Variants in VAV3 observed in about 807,000 individuals in gnomAD.
VAV3 encodes the protein guanine nucleotide exchange factor VAV3.
In VAV3, 94 loss-of-function variants were observed where a neutral mutation model predicts 131.2. That is an observed-to-expected ratio of 0.72 (90% CI 0.61 to 0.85). The LOEUF (loss-of-function observed/expected upper bound fraction) is 0.85, where lower values mean the gene tolerates loss of function less well. Among genes scored for constraint, VAV3 ranks in the 40% least tolerant of loss-of-function variants. The pLI is 0.00. For missense variants in VAV3, 939 were observed against 1,002.7 expected (o/e 0.94, Z 0.86); for synonymous variants, 349 against 342.0 (o/e 1.02, Z -0.22).
At chr1:107,596,143 G>A in intron 25 of VAV3, 69 bp downstream of exon 25, 2 of 1,555,270 alleles carry the variant, frequency 1.3e-6, no homozygotes, top group Admixed American at 3.9e-5. Flanking sequence ...TTGGAAGGAA[G>A]ATGTTTAATG....
At chr1:107,621,640 T>C (rs116563542) in intron 20 of VAV3, among the ~76,000 whole-genome samples, 1 of 152,144 alleles carries the variant, frequency 6.6e-6, no homozygotes, top group Admixed American at 6.6e-5. Context: ...ATTTCCTTCT[T>C]CTTTACATTA....
At chr1:107,639,711 A>T (rs1040003397) in intron 20 of VAV3, among the ~76,000 whole-genome samples, 17 of 152,258 alleles carry the variant, frequency 1.1e-4, no homozygotes, top group Admixed American at 1.0e-3. Context: ...TGGCAGGCTG[A>T]AGTGGGAGGG....
At chr1:107,637,618 C>T (rs1057034284) in intron 20 of VAV3, among the ~76,000 whole-genome samples, 2 of 152,254 alleles carry the variant, frequency 1.3e-5, no homozygotes, top group Admixed American at 6.5e-5. Context: ...GGCAACAGAG[C>T]GAGACTCCGT....
chr1:107,786,709 C>G (rs1470987830), intron 2 of VAV3, among the ~76,000 whole-genome samples: 3 of 152,114 alleles, frequency 2.0e-5, no homozygotes, highest in Non-Finnish European at 4.4e-5. Context: ...TGAAAGAGTT[C>G]TAAGAAAGGA....
At chr1:107,816,045 G>A (rs983382561) in intron 2 of VAV3, among the ~76,000 whole-genome samples, 2 of 152,152 alleles carry the variant, frequency 1.3e-5, no homozygotes, top group African/African-American at 2.4e-5. Context: ...TGATCTGAGA[G>A]GGGGCAGAGC....
intron 21 of VAV3, among the ~76,000 whole-genome samples, chr1:107,614,097 T>A (rs1652956695): frequency 6.6e-6 from 1 of 152,096 alleles, no homozygotes. Context: ...CATATCATCA[T>A]CAGTGGGATG....
At chr1:107,845,774 A>G (rs1440122912) in intron 2 of VAV3, among the ~76,000 whole-genome samples, 3 of 152,160 alleles carry the variant, frequency 2.0e-5, no homozygotes, top group Admixed American at 6.5e-5. Context: ...GGAACAAACA[A>G]AGACTCCAAC....
chr1:107,962,075 A>G (rs1675113545), intron 1 of VAV3, among the ~76,000 whole-genome samples: 1 of 152,240 alleles, frequency 6.6e-6, no homozygotes, highest in Non-Finnish European at 1.5e-5. Context: ...CACAAAAGTC[A>G]GAAGTGACAG....
chr1:107,720,682 A>G (rs1279165318), intron 15 of VAV3, among the ~76,000 whole-genome samples: 2 of 152,188 alleles, frequency 1.3e-5, no homozygotes, highest in Non-Finnish European at 2.9e-5. Context: ...CCATCTCAAG[A>G]GAAAAAGTGT....
rs74673465 is a variant in VAV3, at chr1:107,669,369, T to C, written c.1777+14119A>G. 1.2e-3 allele frequency: 1,550 copies of C among 1,289,778 alleles called. 18 individuals carry two copies. In the African/African-American group the frequency reaches 0.017, roughly 14 times the overall value. 79.9% of individuals were successfully genotyped at this position (1,289,778 alleles called of 1,614,324 possible). On this transcript the variant is annotated intron_variant, in intron 19 of 26. Transcript: ENST00000370056. ...TATTTTCAGAAACCTCAAGGCTGCA[T>C]TTTCACCCATGTCCTCAGAATTTCT... is the stretch of plus-strand genomic sequence containing the variant.
intron 21 of VAV3, among the ~76,000 whole-genome samples, chr1:107,613,601 G>C (rs1652917762): frequency 6.6e-6 from 1 of 151,920 alleles, no homozygotes; most frequent in African/African-American, 2.4e-5. Context: ...ACCATGTTAA[G>C]TATAAAATTT....
intron 6 of VAV3, among the ~76,000 whole-genome samples, chr1:107,770,281 C>T (rs1427412798): frequency 6.6e-6 from 1 of 151,948 alleles, no homozygotes; most frequent in Non-Finnish European, 1.5e-5. Flanking sequence ...GCCACCAGCC[C>T]TCCCCCCCCA....
At chr1:107,912,132 A>G (rs1367504630) in intron 1 of VAV3, among the ~76,000 whole-genome samples, 1 of 152,214 alleles carries the variant, frequency 6.6e-6, no homozygotes, top group Non-Finnish European at 1.5e-5. Context: ...TAGCACATAC[A>G]GAAAACACAC....
chr1:107,950,479 G>A (rs79460078), intron 1 of VAV3, among the ~76,000 whole-genome samples: 9,920 of 152,178 alleles, frequency 0.065, 462 homozygotes, highest in African/African-American at 0.13. Flanking sequence ...GATTTGGAGC[G>A]TTGGAACATG....
At chr1:107,850,979 T>C (rs1390218591) in intron 2 of VAV3, among the ~76,000 whole-genome samples, 1 of 151,930 alleles carries the variant, frequency 6.6e-6, no homozygotes, top group Non-Finnish European at 1.5e-5. Flanking sequence ...AGAAAAGTTA[T>C]CCTGAATTCT....
chr1:107,619,367 G>C (rs1653402204), intron 20 of VAV3, among the ~76,000 whole-genome samples: 1 of 152,170 alleles, frequency 6.6e-6, no homozygotes, highest in African/African-American at 2.4e-5. Context: ...GTAACTACAA[G>C]GTTGGGTGAA....
At chr1:107,794,354 C>T (rs78882173) in intron 2 of VAV3, among the ~76,000 whole-genome samples, 83,688 of 151,846 alleles carry the variant, frequency 0.55, 23,446 homozygotes, top group Non-Finnish European at 0.61. Context: ...ATCATTTTCT[C>T]CCTTCATCTT....
At chr1:107,802,530 T>C (rs555355126) in intron 2 of VAV3, among the ~76,000 whole-genome samples, 17 of 152,280 alleles carry the variant, frequency 1.1e-4, no homozygotes, top group African/African-American at 4.1e-4. Context: ...TTCTTAACGT[T>C]TGTTGAGGAT....
intron 1 of VAV3, among the ~76,000 whole-genome samples, chr1:107,902,108 T>TA (rs902112505): frequency 2.8e-4 from 41 of 147,352 alleles, no homozygotes; most frequent in African/African-American, 8.2e-4. Flanking sequence ...AATAAAAAAA[T>TA]AAAAAAAAAT....
Sources: allele counts gnomAD v4.1 joint callset (sites outside exome capture counted in the v4.1 genomes callset), GRCh38; gene constraint gnomAD v4.1.1; transcripts MANE v1.5; gene names NCBI Gene and HGNC (gene_info 2026-07-23, HGNC 2026-07-21).